The following SLC36A4 variants were observed in gnomAD, a reference collection of about 807,000 sequenced individuals.
SLC36A4 encodes solute carrier family 36 member 4.
SLC36A4 carries 49 observed loss-of-function variants against 50.5 expected under a neutral mutation model. The ratio of observed to expected loss-of-function variants is 0.97; its 90% CI spans 0.77 to 1.23. SLC36A4 has a LOEUF of 1.23. SLC36A4 is among the 50% of genes most tolerant of loss of function. SLC36A4 has a pLI of 0.00. For synonymous variants in SLC36A4, 207 were observed against 206.5 expected (o/e 1.00, Z -0.02); for missense variants, 611 against 608.4 (o/e 1.00, Z -0.05).
chr11:93,163,176 C>T (rs796471691), intron 8 of SLC36A4, among the ~76,000 whole-genome samples: 7 of 152,084 alleles, frequency 4.6e-5, no homozygotes, highest in African/African-American at 1.7e-4. Context: ...ACAGAGATCT[C>T]CCATATACCC....
At chr11:93,191,519 A>G (rs1862218159) in intron 1 of SLC36A4, among the ~76,000 whole-genome samples, 1 of 152,240 alleles carries the variant, frequency 6.6e-6, no homozygotes, top group African/African-American at 2.4e-5. Flanking sequence ...GATGGCACCC[A>G]TCACTACCAC....
rs1859924438 is a variant in SLC36A4, at chr11:93,148,341, T to C, written c.*196A>G. 1.1e-5 allele frequency: 5 copies of C among 451,536 alleles called. No individual in the cohort carries two copies. In the South Asian group the frequency reaches 2.0e-4, roughly 18 times the overall value. 28.0% of individuals were successfully genotyped at this position (451,536 alleles called of 1,614,324 possible). A position where few individuals can be genotyped will look rare whatever the true frequency, so the allele number is the denominator to read the frequency against. On this transcript the variant is annotated 3_prime_UTR_variant, in exon 11 of 11. Coordinates refer to ENST00000326402, the MANE Select transcript of SLC36A4 (RefSeq NM_152313.4). Reference sequence around the variant, plus strand: ...AGAACTTAATTTTTTGAACTATTGCTAACACTTAAAAGCAAGGATTTTTCA... The same window carrying C: ...AGAACTTAATTTTTTGAACTATTGCCAACACTTAAAAGCAAGGATTTTTCA...
In SLC36A4 at chr11:93,197,898, C is replaced by T; in HGVS notation, c.-66G>A. 2 of 1,455,710 alleles carry T rather than the reference C, an allele frequency of 1.4e-6. No homozygotes were observed. The highest frequency in any genetic ancestry group is 1.8e-6 in the Non-Finnish European group (2 of 1,102,654). 90.2% of individuals were successfully genotyped at this position (1,455,710 alleles called of 1,614,324 possible). On this transcript the variant is annotated 5_prime_UTR_variant, in exon 1 of 11. Coordinates refer to ENST00000326402, the MANE Select transcript of SLC36A4 (RefSeq NM_152313.4). The stretch of plus-strand genomic sequence containing the variant: ...TCTCCCGCCGCTGCGTGGCCGGCGT[C>T]AGGCCCAGGCCTACCTCCCCTGCCC...
At chr11:93,181,589 C>T (rs142568367) in intron 5 of SLC36A4, 102 bp downstream of exon 5, 10,017 of 896,900 alleles carry the variant, frequency 0.011, 79 homozygotes, top group Middle Eastern at 0.022. Context: ...ATGTTTATTC[C>T]CCAACTTTAT....
chr11:93,160,402 T>A, intron 9 of SLC36A4: 1 of 985,390 alleles, frequency 1.0e-6, no homozygotes. Context: ...TAGACTTCCT[T>A]GAATAGAAAC....
At chr11:93,183,116 A>G (rs10831002) in intron 3 of SLC36A4, among the ~76,000 whole-genome samples, 32,900 of 152,116 alleles carry the variant, frequency 0.22, 4,036 homozygotes, top group East Asian at 0.43. Flanking sequence ...TAGCTACTCA[A>G]ACCTACGAAT....
intron 9 of SLC36A4, 67 bp from the exon 10 acceptor site, chr11:93,154,344 A>G (rs1247705668): frequency 6.7e-6 from 5 of 741,588 alleles, no homozygotes; most frequent in Non-Finnish European, 9.7e-6. Flanking sequence ...CTTTATTTTT[A>G]ATATTAAGAT....
intron 1 of SLC36A4, among the ~76,000 whole-genome samples, chr11:93,194,032 CAG>C (rs1158472936): frequency 6.6e-6 from 1 of 151,946 alleles, no homozygotes; most frequent in African/African-American, 2.4e-5. Context: ...CTGAGTAAAA[CAG>C]GGAAAAGTGT....
intron 6 of SLC36A4, chr11:93,180,365 T>C (rs1036445694): frequency 1.0e-6 from 1 of 976,802 alleles, no homozygotes; most frequent in Non-Finnish European, 1.2e-6. Flanking sequence ...TTGGACACAG[T>C]GTCTTTTTAC....
rs977845547 is a variant in SLC36A4, at chr11:93,180,042, A to G, written c.540+755T>C. ...ACATACACACTCCATCATTTTGCAT[A>G]AAAATATCTACAAGACAATCCTATA... On this transcript the variant is annotated intron_variant, in intron 6 of 10. Transcript: ENST00000326402. The G allele has an allele frequency of 1.9e-5, 18 of 928,496 alleles. No homozygotes were observed. In the African/African-American group the frequency reaches 3.2e-4, roughly 17 times the overall value. The allele number at this position is 928,496 out of a possible 1,614,324, so 57.5% of individuals were successfully genotyped here.
intron 1 of SLC36A4, 98 bp downstream of exon 1, chr11:93,197,679 AG>A: frequency 7.5e-7 from 1 of 1,328,502 alleles, no homozygotes; most frequent in Non-Finnish European, 1.0e-6. Flanking sequence ...GCCTCAACTC[AG>A]GCCAAGCGCG....
intron 5 of SLC36A4, 103 bp from the exon 6 acceptor site, chr11:93,180,984 T>A (rs1861707737): frequency 2.5e-6 from 2 of 804,628 alleles, no homozygotes; most frequent in East Asian, 2.7e-5. Context: ...TTATAGCATA[T>A]ATTCTCCTAC....
rs560322947 is a variant in SLC36A4, at chr11:93,160,474, C to T, written c.1037+2232G>A. ...ACTAGTTCCATTCTAATTGGAAAGT[C>T]ACAGCAATTAGGAATAAGGTCAGAT... On this transcript the variant is annotated intron_variant, in intron 9 of 10. Coordinates refer to ENST00000326402, the MANE Select transcript of SLC36A4 (RefSeq NM_152313.4). 6.9e-5 allele frequency: 68 copies of T among 985,330 alleles called. No homozygotes were observed. The Middle Eastern group carries it at 1.6e-3, about 23-fold the overall frequency. The allele number at this position is 985,330 out of a possible 1,614,324, so 61.0% of individuals were successfully genotyped here. A position where few individuals can be genotyped will look rare whatever the true frequency, so the allele number is the denominator to read the frequency against.
chr11:93,196,178 C>T (rs921587221), intron 1 of SLC36A4, among the ~76,000 whole-genome samples: 1 of 152,132 alleles, frequency 6.6e-6, no homozygotes, highest in African/African-American at 2.4e-5. Context: ...ACATGCTGAA[C>T]ATCTTTCCAC....
chr11:93,155,511 A>G (rs1030293407), intron 9 of SLC36A4: 5 of 152,048 alleles, frequency 3.3e-5, no homozygotes, highest in African/African-American at 7.3e-5. Flanking sequence ...TACTTAATAT[A>G]TAAGTATATA....
chr11:93,165,432 G>T (rs988311397), intron 8 of SLC36A4, among the ~76,000 whole-genome samples: 2 of 152,126 alleles, frequency 1.3e-5, no homozygotes, highest in Non-Finnish European at 2.9e-5. Flanking sequence ...ACTATAGGGA[G>T]AATTTACATC....
intron 9 of SLC36A4, among the ~76,000 whole-genome samples, chr11:93,158,242 T>C (rs1565218319): frequency 1.3e-5 from 2 of 152,188 alleles, no homozygotes; most frequent in Non-Finnish European, 2.9e-5. Context: ...TATGTAACTG[T>C]GGATAATTAA....
At chr11:93,186,909 G>C (rs1334696175) in intron 1 of SLC36A4, among the ~76,000 whole-genome samples, 1 of 152,110 alleles carries the variant, frequency 6.6e-6, no homozygotes, top group Non-Finnish European at 1.5e-5. Context: ...AGTCTGGGGT[G>C]GGCCTGAAAA....
intron 1 of SLC36A4, among the ~76,000 whole-genome samples, chr11:93,188,478 T>A (rs1862082339): frequency 6.6e-6 from 1 of 152,178 alleles, no homozygotes; most frequent in Non-Finnish European, 1.5e-5. Context: ...TGATGAGGAT[T>A]TTCTATAATT....
Sources: gnomAD v4.1 joint callset for allele counts (sites outside exome capture counted in the v4.1 genomes callset) on GRCh38, gnomAD v4.1.1 for gene constraint, MANE v1.5 for transcripts, NCBI Gene and HGNC (gene_info 2026-07-23, HGNC 2026-07-21) for gene names.